The following DCTD variants were observed in gnomAD, a reference collection of about 807,000 sequenced individuals.
DCTD encodes dCMP deaminase, also known as deoxycytidylate deaminase.
In DCTD, 23 loss-of-function variants were observed where a neutral mutation model predicts 21.0. The observed-to-expected ratio is 1.09, with a 90% confidence interval of 0.79 to 1.55. The LOEUF (loss-of-function observed/expected upper bound fraction) is 1.55. Among genes scored for constraint, DCTD ranks in the 40% most tolerant of loss-of-function variants. The pLI, the probability that DCTD is intolerant of heterozygous loss-of-function variation, is 0.00. For synonymous variants in DCTD, 71 were observed against 81.1 expected (o/e 0.88, Z 0.67); for missense variants, 224 against 230.0 (o/e 0.97, Z 0.17).
At chr4:182,891,957 CT>C (rs5864809) in intron 5 of DCTD, among the ~76,000 whole-genome samples, 3,153 of 130,914 alleles carry the variant, frequency 0.024, 78 homozygotes, top group African/African-American at 0.082. Flanking sequence ...CATAAACCAA[CT>C]TTTTTTTTTT....
At chr4:182,902,992 G>A (rs1235349242) in intron 3 of DCTD, among the ~76,000 whole-genome samples, 2 of 152,164 alleles carry the variant, frequency 1.3e-5, no homozygotes, top group Non-Finnish European at 2.9e-5. Flanking sequence ...CAGGACAAAG[G>A]GATTTAAATC....
In DCTD at chr4:182,917,164, C is replaced by T; in HGVS notation, c.-8+147G>A. On this transcript the variant is annotated intron_variant, in intron 1 of 5. Transcript: ENST00000438320. This position sits in a 1 kb window ranked among gnomAD's most constrained non-coding sequence, Gnocchi z 4.9. ...CCGCCCGCATTCTCCGATCTAAAGG[C>T]TGAGCGCGGCCGAGGCGCCCCCAGC... 1 of 989,174 alleles carries T rather than the reference C, an allele frequency of 1.0e-6. No individual in the cohort carries two copies. The highest frequency in any genetic ancestry group is 4.7e-5 in the South Asian group (1 of 21,490). The allele number at this position is 989,174 out of a possible 1,614,324, so 61.3% of individuals were successfully genotyped here.
intron 3 of DCTD, among the ~76,000 whole-genome samples, chr4:182,896,725 T>C (rs1345063857): frequency 6.6e-6 from 1 of 152,198 alleles, no homozygotes; most frequent in Non-Finnish European, 1.5e-5. Flanking sequence ...TTCACGCTGC[T>C]TGGTGTTAAA....
chr4:182,915,097 T>C (rs1402955271), intron 2 of DCTD, 39 bp from the exon 3 acceptor site: 1 of 1,613,898 alleles, frequency 6.2e-7, no homozygotes, highest in South Asian at 1.1e-5. Flanking sequence ...TGCCTGCAAC[T>C]GGCTGGTCTG....
intron 1 of DCTD, chr4:182,916,452 G>A: frequency 1.0e-6 from 1 of 985,664 alleles, no homozygotes; most frequent in Non-Finnish European, 1.2e-6. Flanking sequence ...GAGGAATGTG[G>A]TCTAAAGGAA....
intron 3 of DCTD, among the ~76,000 whole-genome samples, chr4:182,901,756 G>C (rs1046107866): frequency 7.4e-5 from 11 of 147,894 alleles, no homozygotes; most frequent in African/African-American, 2.8e-4. Context: ...GCATACCCAA[G>C]TTCAAGGTTG....
intron 3 of DCTD, among the ~76,000 whole-genome samples, chr4:182,913,252 G>A (rs781277304): frequency 1.6e-4 from 25 of 152,186 alleles, no homozygotes; most frequent in Non-Finnish European, 3.1e-4. Context: ...TGAGAAGACA[G>A]TCTTACCCTC....
intron 3 of DCTD, among the ~76,000 whole-genome samples, chr4:182,896,521 G>C (rs13148414): frequency 0.19 from 29,510 of 152,166 alleles, 3,118 homozygotes; most frequent in Non-Finnish European, 0.24. Context: ...TCGCTGCCCA[G>C]AGTGACCAGA....
At chr4:182,907,582 C>G (rs868169836) in intron 3 of DCTD, among the ~76,000 whole-genome samples, 80 of 152,076 alleles carry the variant, frequency 5.3e-4, no homozygotes, top group African/African-American at 1.8e-3. Flanking sequence ...CTTAGAACTG[C>G]GCCAGTCTTT....
intron 3 of DCTD, among the ~76,000 whole-genome samples, chr4:182,908,484 C>A (rs1257864944): frequency 3.3e-5 from 5 of 152,022 alleles, no homozygotes; most frequent in African/African-American, 1.2e-4. Flanking sequence ...GAGTTTGAGA[C>A]CAGCCTGGCC....
upstream of DCTD, chr4:182,917,406 G>C (rs1738939838): frequency 9.5e-7 from 1 of 1,057,686 alleles, no homozygotes; most frequent in African/African-American, 1.7e-5. This position sits in a 1 kb window ranked among gnomAD's most constrained non-coding sequence, Gnocchi z 4.9. Flanking sequence ...CCGCCGCGGG[G>C]CCGGAAGGGG....
chr4:182,908,008 T>C (rs1428112886), intron 3 of DCTD, among the ~76,000 whole-genome samples: 1 of 151,776 alleles, frequency 6.6e-6, no homozygotes. Context: ...AATGTGTGTA[T>C]TACAGACATG....
chr4:182,912,046 C>A (rs1462811514), intron 3 of DCTD, among the ~76,000 whole-genome samples: 1 of 151,790 alleles, frequency 6.6e-6, no homozygotes, highest in East Asian at 1.9e-4. Context: ...TACAGCAGCT[C>A]AGTCACCATT....
chr4:182,904,488 C>T (rs760836836), intron 3 of DCTD, among the ~76,000 whole-genome samples: 4 of 152,162 alleles, frequency 2.6e-5, no homozygotes, highest in African/African-American at 4.8e-5. Flanking sequence ...AGAGGGGAAC[C>T]GGGCCTGAGC....
intron 4 of DCTD, 38 bp downstream of exon 4, chr4:182,894,451 C>T: frequency 8.1e-7 from 1 of 1,227,064 alleles, no homozygotes; most frequent in Non-Finnish European, 1.2e-6. Context: ...GAGCAGGCAG[C>T]AATGCAAATG....
Position 182,894,561 on chromosome 4 carries a change from C to T in DCTD, c.289G>A (p.Asp97Asn), listed in dbSNP as rs776168243. The T allele has an allele frequency of 6.2e-6, 10 of 1,614,002 alleles. No individual in the cohort carries two copies. Among genetic ancestry groups the T allele is most frequent in the East Asian group, 2.2e-5 (1 of 44,898 alleles). Residue 97 changes from aspartate to asparagine, a missense_variant, in exon 4 of 6, where the codon GAT becomes AAT. Coordinates refer to ENST00000438320, the MANE Select transcript of DCTD (RefSeq NM_001921.3). ...ACATACATACTACAGCCTTTCACAT[C>T]GGTCGAATTTTTGTTCATGATGGCA... Reference protein sequence around the residue: ...LNAIMNKNSTDVKGCSMYVAL... With the variant: ...LNAIMNKNSTNVKGCSMYVAL...
intron 3 of DCTD, among the ~76,000 whole-genome samples, chr4:182,900,020 G>A (rs1735447181): frequency 6.6e-6 from 1 of 152,092 alleles, no homozygotes; most frequent in Non-Finnish European, 1.5e-5. Flanking sequence ...TGTGCAAAAG[G>A]TTTCAGATTT....
At chr4:182,897,641 G>C (rs115420724) in intron 3 of DCTD, among the ~76,000 whole-genome samples, 2,094 of 152,196 alleles carry the variant, frequency 0.014, 37 homozygotes, top group African/African-American at 0.047. Flanking sequence ...TGACAAGCAG[G>C]AAACTCAAGT....
chr4:182,914,986 T>A lies in DCTD; in HGVS notation c.181A>T (p.Ser61Cys), dbSNP rs1182328149. 1.2e-6 allele frequency: 2 copies of A among 1,614,086 alleles called. No homozygotes were observed. Among genetic ancestry groups the A allele is most frequent in the African/African-American group, 2.7e-5 (2 of 74,948 alleles). Residue 61 changes from serine (S) to cysteine (C), a missense_variant, in exon 3 of 6, where the codon AGT becomes TGT. Ser to Cys is a moderately radical substitution (Grantham distance 112). Coordinates refer to ENST00000438320, the MANE Select transcript of DCTD (RefSeq NM_001921.3). ...IGYNGMPNGC[S>C]DDVLPWRRTA... ...CTTCTCCAAGGCAACACGTCATCAC[T>A]GCACCCATTTGGCATCCCATTGTAC...
Sources: gnomAD v4.1 joint callset for allele counts (sites outside exome capture counted in the v4.1 genomes callset) on GRCh38, gnomAD v4.1.1 for gene constraint, Gnocchi (gnomAD v3.1) non-coding constraint, MANE v1.5 for transcripts, NCBI Gene and HGNC (gene_info 2026-07-23, HGNC 2026-07-21) for gene names.